Variants in MYO3A observed in about 807,000 individuals in gnomAD.
MYO3A encodes the protein myosin IIIA, also known as myosin-IIIa.
A neutral mutation model predicts 192.7 loss-of-function variants in MYO3A; 180 were observed. The ratio of observed to expected loss-of-function variants is 0.93; its 90% CI spans 0.83 to 1.06. MYO3A has a LOEUF of 1.06. Among genes scored for constraint, MYO3A ranks in the 50% least tolerant of loss-of-function variants. The pLI, the probability that MYO3A is intolerant of heterozygous loss-of-function variation, is 0.00. For missense variants in MYO3A, 1,896 were observed against 1,905.0 expected, an observed-to-expected ratio of 1.00 and a Z score of 0.09; for synonymous variants, 628 against 645.3, an observed-to-expected ratio of 0.97 and a Z score of 0.41.
At chr10:25,987,922 T>A (rs1339832487) in intron 4 of MYO3A, among the ~76,000 whole-genome samples, 2 of 152,128 alleles carry the variant, frequency 1.3e-5, no homozygotes, top group African/African-American at 4.8e-5. Context: ...AGCAGCACAA[T>A]TTGCAATTGC....
chr10:26,024,107 TA>T lies in MYO3A; in HGVS notation c.797+26del, dbSNP rs757850769. The T allele has an allele frequency of 2.5e-6, 4 of 1,597,044 alleles. No homozygotes were observed. The highest frequency in any genetic ancestry group is 1.7e-6 in the Non-Finnish European group (2 of 1,164,902). ...AAGCAAGTGAGTAAAAACAGTCTTT[TA>T]AAAAACCAAAGATATTCCCTCCTGC... On this transcript the variant is annotated intron_variant, in intron 9 of 34. Transcript: ENST00000642920.
intron 14 of MYO3A, among the ~76,000 whole-genome samples, chr10:26,083,333 C>G (rs1328482031): frequency 6.6e-6 from 1 of 152,188 alleles, no homozygotes; most frequent in African/African-American, 2.4e-5. Context: ...TTTAATCACA[C>G]TACTCAGAGT....
At chr10:25,943,090 A>C (rs757083507) in intron 2 of MYO3A, among the ~76,000 whole-genome samples, 1 of 151,918 alleles carries the variant, frequency 6.6e-6, no homozygotes, top group Non-Finnish European at 1.5e-5. Context: ...CATATGTTTA[A>C]GTCTTTGATC....
At chr10:25,980,308 C>T (rs1328988548) in intron 4 of MYO3A, among the ~76,000 whole-genome samples, 1 of 151,316 alleles carries the variant, frequency 6.6e-6, no homozygotes, top group African/African-American at 2.4e-5. Flanking sequence ...AAACAAACAA[C>T]AATAAGAACA....
intron 29 of MYO3A, 72 bp from the exon 30 acceptor site, chr10:26,173,591 A>G: frequency 3.5e-6 from 5 of 1,409,564 alleles, no homozygotes; most frequent in Non-Finnish European, 4.0e-6. Context: ...TATCTAGCAT[A>G]TAACTATTGC....
At chr10:26,159,433 C>T (rs1327606298) in intron 26 of MYO3A, among the ~76,000 whole-genome samples, 3 of 149,368 alleles carry the variant, frequency 2.0e-5, no homozygotes, top group African/African-American at 4.9e-5. Flanking sequence ...AATCTTGGCT[C>T]ACTGCAAGCT....
Position 26,026,521 on chromosome 10 carries a change from A to C in MYO3A, c.942A>C (p.Thr314=), listed in dbSNP as rs1467636007. The C allele has an allele frequency of 6.2e-7, 1 of 1,614,044 alleles. No homozygotes were observed. The highest frequency in any genetic ancestry group is 8.5e-7 in the Non-Finnish European group (1 of 1,179,990). Reference sequence around the variant, plus strand: ...GCATCCATCAATGCATGGGAGGCACAGAAAAGGCCAGGTAATCAAATAATA... The same window carrying C: ...GCATCCATCAATGCATGGGAGGCACCGAAAAGGCCAGGTAATCAAATAATA... ...FIGIHQCMGG[T]EKARRERIHT... The change falls in exon 10 of 35, where the codon ACA becomes ACC. Residue 314 remains threonine, a synonymous_variant. Coordinates refer to ENST00000642920, the MANE Select transcript of MYO3A (RefSeq NM_017433.5).
At chr10:26,133,748 C>A (rs537635622) in intron 20 of MYO3A, among the ~76,000 whole-genome samples, 59 of 152,292 alleles carry the variant, frequency 3.9e-4, no homozygotes, top group African/African-American at 1.4e-3. Flanking sequence ...CGTGTACCAC[C>A]ATACCTGGCT....
intron 4 of MYO3A, among the ~76,000 whole-genome samples, chr10:25,975,673 G>A (rs996008779): frequency 3.3e-5 from 5 of 152,132 alleles, no homozygotes; most frequent in Non-Finnish European, 5.9e-5. Flanking sequence ...ACTTCACAGA[G>A]TATTAACAAA....
chr10:26,183,455 G>A (rs574359032), intron 31 of MYO3A, among the ~76,000 whole-genome samples: 10 of 152,232 alleles, frequency 6.6e-5, no homozygotes, highest in South Asian at 4.1e-4. Context: ...CCCGGGAGGC[G>A]GAGCTTGCAG....
intron 2 of MYO3A, among the ~76,000 whole-genome samples, chr10:25,942,102 A>G (rs1333039173): frequency 4.6e-5 from 7 of 151,528 alleles, no homozygotes; most frequent in Non-Finnish European, 1.0e-4. Context: ...CCTGGGTTCA[A>G]GTGATGCCTC....
At chr10:25,981,226 TAGTAGAAA>T (rs1839306420) in intron 4 of MYO3A, among the ~76,000 whole-genome samples, 1 of 152,202 alleles carries the variant, frequency 6.6e-6, no homozygotes, top group Admixed American at 6.5e-5. Flanking sequence ...CACTTACCAC[TAGTAGAAA>T]AGTGTACTGT....
At chr10:26,033,031 C>A (rs1400492145) in intron 10 of MYO3A, among the ~76,000 whole-genome samples, 1 of 152,092 alleles carries the variant, frequency 6.6e-6, no homozygotes, top group African/African-American at 2.4e-5. Flanking sequence ...CAAAATTAAA[C>A]TTATGGTATT....
rs372411153 is a variant in MYO3A, at chr10:26,062,530, A to ACAAAAAAAAACG, written c.954-4445_954-4444insCAAAAAAAAACG. ...GATGCCATCTCAAAAAAAAAAAAAAAAAATTATGGAGGAATCTAATTAAGA... is the reference window on the plus strand; with the variant it reads ...GATGCCATCTCAAAAAAAAAAAAAAACAAAAAAAAACGAAATTATGGAGGAATCTAATTAAGA... On this transcript the variant is annotated intron_variant, in intron 10 of 34. Coordinates refer to ENST00000642920, the MANE Select transcript of MYO3A (RefSeq NM_017433.5). Among the ~76,000 whole-genome samples, 48 of 125,974 alleles carry ACAAAAAAAAACG rather than the reference A, an allele frequency of 3.8e-4. 2 individuals carry two copies. The highest frequency in any genetic ancestry group is 5.5e-4 in the Non-Finnish European group (32 of 58,500). 82.6% of individuals were successfully genotyped at this position (125,974 alleles called of 152,430 possible). A position where few individuals can be genotyped will look rare whatever the true frequency, so the allele number is the denominator to read the frequency against.
chr10:26,068,961 T>G, intron 12 of MYO3A, 77 bp downstream of exon 12: 2 of 1,013,830 alleles, frequency 2.0e-6, no homozygotes, highest in South Asian at 2.6e-5. Context: ...TTTAAATGAA[T>G]GCCAGAAAAT....
At chr10:25,977,966 G>C (rs966897876) in intron 4 of MYO3A, among the ~76,000 whole-genome samples, 4 of 151,940 alleles carry the variant, frequency 2.6e-5, no homozygotes, top group Admixed American at 1.3e-4. Context: ...ATTTTATATA[G>C]TTTTTTTGTT....
intron 29 of MYO3A, among the ~76,000 whole-genome samples, chr10:26,172,525 C>T (rs1459544223): frequency 1.3e-5 from 2 of 152,176 alleles, no homozygotes; most frequent in Admixed American, 6.5e-5. Context: ...CAGTGAAATG[C>T]ATTTAAAGGA....
At chr10:26,120,200 G>A (rs187894659) in intron 17 of MYO3A, among the ~76,000 whole-genome samples, 6 of 151,796 alleles carry the variant, frequency 4.0e-5, no homozygotes, top group Admixed American at 2.6e-4. Flanking sequence ...ACATTTAAAC[G>A]ACACATATCC....
chr10:26,188,095 T>G (rs555737645), intron 31 of MYO3A, among the ~76,000 whole-genome samples: 2 of 152,324 alleles, frequency 1.3e-5, no homozygotes, highest in East Asian at 1.9e-4. Flanking sequence ...TGAACTAGTT[T>G]ACAGTCCCAC....
Sources: gnomAD v4.1 joint callset for allele counts (sites outside exome capture counted in the v4.1 genomes callset) on GRCh38, gnomAD v4.1.1 for gene constraint, MANE v1.5 for transcripts, NCBI Gene and HGNC (gene_info 2026-07-23, HGNC 2026-07-21) for gene names.